Variants in RIC1 observed in about 807,000 individuals in gnomAD.
The protein encoded by RIC1 is guanine nucleotide exchange factor subunit RIC1.
RIC1 carries 88 observed loss-of-function variants against 169.0 expected under a neutral mutation model. The observed-to-expected ratio is 0.52, with a 90% CI of 0.44 to 0.62. The LOEUF (loss-of-function observed/expected upper bound fraction) is 0.62, where lower values mean the gene tolerates loss of function less well. Ranked by LOEUF, RIC1 falls within the 20% of genes least tolerant of loss-of-function variation. The pLI, the probability that RIC1 is intolerant of heterozygous loss-of-function variation, is 0.00. For missense variants in RIC1, 1,877 were observed against 1,725.5 expected (o/e 1.09, Z -1.56); for synonymous variants, 790 against 601.5 (o/e 1.31, Z -4.59).
At chr9:5,681,122 G>A (rs972069798) in intron 2 of RIC1, among the ~76,000 whole-genome samples, 31 of 152,106 alleles carry the variant, frequency 2.0e-4, no homozygotes, top group East Asian at 5.8e-4. Context: ...CACCGCGCCC[G>A]GCCGATTTTT....
In RIC1 at chr9:5,762,392, C is replaced by A. The variant is rs1826395968; in HGVS notation, c.1993-149C>A. On this transcript the variant is annotated intron_variant, in intron 17 of 25. Transcript: ENST00000414202. ...TCCTAGCCAGAAAGCTCCTTATATT[C>A]CCACAGAGCCTAGCAGAATGGCTGT... The A allele has an allele frequency of 4.4e-6, 4 of 904,666 alleles. No individual in the cohort carries two copies. In the African/African-American group the frequency reaches 5.0e-5, roughly 11 times the overall value. The allele number at this position is 904,666 out of a possible 1,614,324, so 56.0% of individuals were successfully genotyped here.
chr9:5,719,843 A>T (rs1042368823), intron 4 of RIC1, among the ~76,000 whole-genome samples: 1 of 152,228 alleles, frequency 6.6e-6, no homozygotes, highest in South Asian at 2.1e-4. Flanking sequence ...TACTGTTATT[A>T]GTTGGGTTTA....
intron 3 of RIC1, among the ~76,000 whole-genome samples, chr9:5,709,111 A>G (rs1236213019): frequency 6.6e-6 from 1 of 152,178 alleles, no homozygotes; most frequent in Non-Finnish European, 1.5e-5. Flanking sequence ...AACATGTACC[A>G]AGTGTTGGCT....
At chr9:5,679,514 A>C (rs199658137) in intron 2 of RIC1, among the ~76,000 whole-genome samples, 12 of 151,956 alleles carry the variant, frequency 7.9e-5, no homozygotes, top group African/African-American at 2.9e-4. Flanking sequence ...CTTTTATTTC[A>C]TTGGGCAGTG....
chr9:5,741,021 G>T (rs914674327), intron 8 of RIC1, among the ~76,000 whole-genome samples: 4 of 152,090 alleles, frequency 2.6e-5, no homozygotes, highest in Non-Finnish European at 4.4e-5. Context: ...TTCTTTTAAT[G>T]AAGTTTTTTG....
At chr9:5,746,392 T>G (rs1364348229) in intron 11 of RIC1, among the ~76,000 whole-genome samples, 1 of 152,162 alleles carries the variant, frequency 6.6e-6, no homozygotes, top group Non-Finnish European at 1.5e-5. Context: ...AGTGTGTTCC[T>G]CCAGGCACTA....
chr9:5,726,649 C>T (rs545346458), intron 6 of RIC1, among the ~76,000 whole-genome samples: 18 of 152,256 alleles, frequency 1.2e-4, no homozygotes, highest in African/African-American at 2.2e-4. Context: ...TTCCTAGCAT[C>T]GATGGTCTTT....
At chr9:5,742,798 G>GAA (rs201838674) in intron 8 of RIC1, 71 bp from the exon 9 acceptor site, 48,622 of 1,008,970 alleles carry the variant, frequency 0.048, 1,714 homozygotes, top group African/African-American at 0.24. Context: ...GATTGTATTT[G>GAA]AAAAAAAAAA....
At chr9:5,766,887 G>C (rs1826805275) in intron 21 of RIC1, among the ~76,000 whole-genome samples, 1 of 152,170 alleles carries the variant, frequency 6.6e-6, no homozygotes, top group Non-Finnish European at 1.5e-5. Context: ...TCAAATGGTA[G>C]TTCTACTTTT....
chr9:5,641,538 C>G (rs1008456045), intron 1 of RIC1, among the ~76,000 whole-genome samples: 1 of 152,160 alleles, frequency 6.6e-6, no homozygotes, highest in Non-Finnish European at 1.5e-5. Context: ...TCTACTTCCT[C>G]TTTAAGGCCA....
chr9:5,720,340 A>G lies in RIC1; in HGVS notation c.583+16A>G, dbSNP rs770624453. ...TCATCTAGAGGTAGCTATACTTTCT[A>G]CATGAGGTTGAACCAGTTGTTTAAT... is the stretch of plus-strand genomic sequence containing the variant. On this transcript the variant is annotated intron_variant, in intron 5 of 25. Coordinates refer to ENST00000414202, the MANE Select transcript of RIC1 (RefSeq NM_020829.4). 2 of 1,605,492 alleles carry G rather than the reference A, an allele frequency of 1.2e-6. No homozygotes were observed. Among genetic ancestry groups the G allele is most frequent in the Admixed American group, 3.4e-5 (2 of 58,616 alleles).
intron 2 of RIC1, among the ~76,000 whole-genome samples, chr9:5,669,885 A>G (rs999317589): frequency 7.2e-5 from 11 of 152,224 alleles, no homozygotes; most frequent in Non-Finnish European, 1.3e-4. Flanking sequence ...GTGATCAGAC[A>G]TCACTTAGGG....
At chr9:5,778,246 C>G (rs964971872), downstream of RIC1, among the ~76,000 whole-genome samples, 1 of 152,198 alleles carries the variant, frequency 6.6e-6, no homozygotes, top group African/African-American at 2.4e-5. Flanking sequence ...ACAATTGCTT[C>G]TGTATATTGA....
At chr9:5,744,695 G>C (rs1434973439) in intron 10 of RIC1, among the ~76,000 whole-genome samples, 1 of 152,088 alleles carries the variant, frequency 6.6e-6, no homozygotes, top group Non-Finnish European at 1.5e-5. Context: ...TTTTACTGTG[G>C]TGTCATATCA....
chr9:5,680,815 ATTTTTTT>A (rs66478510), intron 2 of RIC1, among the ~76,000 whole-genome samples: 4 of 57,736 alleles, frequency 6.9e-5, no homozygotes, highest in Non-Finnish European at 1.0e-4. Context: ...GCAGTCATTG[ATTTTTTT>A]TTTTTTTTTT....
chr9:5,753,374 C>T, intron 13 of RIC1, 136 bp downstream of exon 13: 3 of 859,742 alleles, frequency 3.5e-6, no homozygotes, highest in Non-Finnish European at 5.7e-6. Context: ...AGTATATTAA[C>T]ATCTATAATT....
At chr9:5,659,133 C>T (rs1413378970) in intron 2 of RIC1, among the ~76,000 whole-genome samples, 3 of 151,986 alleles carry the variant, frequency 2.0e-5, no homozygotes, top group South Asian at 2.1e-4. Context: ...TTAAATGTTA[C>T]AGTACAATAT....
intron 17 of RIC1, among the ~76,000 whole-genome samples, chr9:5,759,264 G>T (rs1198481817): frequency 6.6e-6 from 1 of 152,198 alleles, no homozygotes; most frequent in Non-Finnish European, 1.5e-5. Flanking sequence ...GGGAAAACCA[G>T]ATATGGTATG....
chr9:5,643,562 A>T (rs1818355092), intron 1 of RIC1, among the ~76,000 whole-genome samples: 1 of 152,046 alleles, frequency 6.6e-6, no homozygotes, highest in South Asian at 2.1e-4. Flanking sequence ...TTACTCCTTT[A>T]TTAAAAAGGG....
Sources: gnomAD v4.1 joint callset for allele counts (sites outside exome capture counted in the v4.1 genomes callset) on GRCh38, gnomAD v4.1.1 for gene constraint, MANE v1.5 for transcripts, NCBI Gene and HGNC (gene_info 2026-07-23, HGNC 2026-07-21) for gene names.